KIF26B: variants seen among roughly 807,000 people sequenced by gnomAD.
KIF26B encodes kinesin family member 26B.
A neutral mutation model predicts 151.2 loss-of-function variants in KIF26B; 63 were observed. That is an observed-to-expected ratio of 0.42 (90% CI 0.34 to 0.51). KIF26B has a LOEUF of 0.51. KIF26B is among the 20% of genes least tolerant of loss of function. The probability of loss-of-function intolerance (pLI) is 0.07; values close to 1 mark genes in which losing one functional copy is unlikely to be tolerated. For missense variants in KIF26B, 2,813 were observed against 2,913.6 expected (o/e 0.97, Z 0.79); for synonymous variants, 1,357 against 1,262.1 (o/e 1.08, Z -1.59).
chr1:245,177,289 T>C (rs536626221), intron 2 of KIF26B, among the ~76,000 whole-genome samples: 3 of 152,372 alleles, frequency 2.0e-5, no homozygotes, highest in South Asian at 4.1e-4. Flanking sequence ...CCTGCCTTTA[T>C]TGATTCCTAC....
chr1:245,322,218 G>C lies in KIF26B; in HGVS notation c.466-44616G>C, dbSNP rs1055169988. Among the ~76,000 whole-genome samples, 3 of 151,996 alleles carry C rather than the reference G, an allele frequency of 2.0e-5. No homozygotes were observed. In the East Asian group the frequency reaches 5.8e-4, roughly 29 times the overall value. On this transcript the variant is annotated intron_variant, in intron 2 of 14. Coordinates refer to ENST00000407071, the MANE Select transcript of KIF26B (RefSeq NM_018012.4). ...AGGAGAACATCACACACCGGGGCCTGTGGGGGATGGGGGATAAGGGGAGGG... is the reference window on the plus strand; with the variant it reads ...AGGAGAACATCACACACCGGGGCCTCTGGGGGATGGGGGATAAGGGGAGGG...
Position 245,564,020 on chromosome 1 carries a change from C to A in KIF26B, c.1350+23070C>A, listed in dbSNP as rs1471071138. Among the ~76,000 whole-genome samples, 4 of 152,172 alleles carry A rather than the reference C, an allele frequency of 2.6e-5. No homozygotes were observed. The highest frequency in any genetic ancestry group is 4.8e-5 in the African/African-American group (2 of 41,432). The stretch of plus-strand genomic sequence containing the variant: ...CACACCAAATGTGATCATTTCATTT[C>A]GCAGCTAGATTGCTCGTGAACAGCT... On this transcript the variant is annotated intron_variant, in intron 5 of 14. Transcript: ENST00000407071. This position sits in a 1 kb window ranked among gnomAD's most constrained non-coding sequence, Gnocchi z 4.6.
chr1:245,578,801 C>G (rs1437553990), intron 5 of KIF26B, among the ~76,000 whole-genome samples: 1 of 152,186 alleles, frequency 6.6e-6, no homozygotes, highest in Non-Finnish European at 1.5e-5. Flanking sequence ...CCTCTAGACA[C>G]AGGATTTCAT....
rs757748702 is a variant in KIF26B at position 245,687,866 on chromosome 1, A to G, written c.4883A>G (p.Asn1628Ser). 1 of 1,593,060 alleles carries G rather than the reference A, an allele frequency of 6.3e-7. No individual in the cohort carries two copies. The change falls in exon 12 of 15, where the codon AAC (asparagine) becomes AGC (serine). Residue 1628 changes from asparagine (N) to serine (S), a missense_variant. Asn to Ser is a conservative substitution (Grantham distance 46). Coordinates refer to ENST00000407071, the MANE Select transcript of KIF26B (RefSeq NM_018012.4). The surrounding 1 kb of genome is among the most constrained non-coding windows in gnomAD (Gnocchi z 4.9). ...GGCAGCGGCACCAGCAGCCCCCTGA[A>G]CCAACCAGCCGCCTTCCCGGCGGGC... ...ASGSGTSSPL[N>S]QPAAFPAGLP...
intron 2 of KIF26B, among the ~76,000 whole-genome samples, chr1:245,190,634 G>GTTTTTTTTT (rs149338802): frequency 2.8e-5 from 3 of 106,840 alleles, no homozygotes; most frequent in Non-Finnish European, 6.5e-5. Flanking sequence ...TGAATGTTTT[G>GTTTTTTTTT]TTTTGTTTTT....
rs978712912 is a variant in KIF26B, at chr1:245,155,469, C to G, written c.45C>G (p.Thr15=). 6.2e-7 allele frequency: 1 copy of G among 1,611,996 alleles called. No homozygotes were observed. The highest frequency in any genetic ancestry group is 1.3e-5 in the African/African-American group (1 of 74,908). Residue 15 remains threonine, a synonymous_variant, in exon 1 of 15, where the codon ACC becomes ACG. Transcript: ENST00000407071. Reference sequence around the variant, plus strand: ...ATAAAGAGAGGCTTGCGGTCTCCACCAGGGGCAAGAAATACGGGGTAAGTT... The same window carrying G: ...ATAAAGAGAGGCTTGCGGTCTCCACGAGGGGCAAGAAATACGGGGTAAGTT... ...AGNKERLAVS[T]RGKKYGVNEV... is the part of the protein sequence containing the mutation.
rs1459642519 is a variant in KIF26B at position 245,640,107 on chromosome 1, GATCTAC to G, written c.2099-6013_2099-6008del. 8.4e-4 allele frequency among the ~76,000 whole-genome samples: 64 copies of G among 76,012 alleles called. 3 individuals are homozygous for G. The highest frequency in any genetic ancestry group is 4.4e-4 in the Non-Finnish European group (17 of 38,704). The allele number at this position is 76,012 out of a possible 152,430, so 49.9% of individuals were successfully genotyped here. On this transcript the variant is annotated intron_variant, in intron 9 of 14. Coordinates refer to ENST00000407071, the MANE Select transcript of KIF26B (RefSeq NM_018012.4). ...TATTGTAGTCTACCTCTCCTGTTTA[GATCTAC>G]TAATATTTGCTCTCTCTCTCTCTCT...
At chr1:245,555,222 G>T (rs1373898422) in intron 5 of KIF26B, among the ~76,000 whole-genome samples, 1 of 152,166 alleles carries the variant, frequency 6.6e-6, no homozygotes, top group Non-Finnish European at 1.5e-5. Flanking sequence ...TCTGGAATGG[G>T]GATGGGAGGA....
intron 4 of KIF26B, among the ~76,000 whole-genome samples, chr1:245,476,535 C>T (rs866776517): frequency 6.5e-4 from 82 of 126,712 alleles, no homozygotes; most frequent in Middle Eastern, 3.7e-3. Flanking sequence ...TATTTACTTA[C>T]TTACTTACTT....
intron 2 of KIF26B, among the ~76,000 whole-genome samples, chr1:245,229,340 G>A (rs1669944314): frequency 6.6e-6 from 1 of 152,098 alleles, no homozygotes; most frequent in African/African-American, 2.4e-5. Context: ...TTTTAGGGGG[G>A]TTGCAAATTT....
In KIF26B at chr1:245,602,881, G is replaced by A. The variant is rs1371919184; in HGVS notation, c.1557+98G>A. ...TTGAGCTGGGAGGGTGTCTTCTGGAGCATTCTGATGGACCAGTTCCTTCAG... is the reference window on the plus strand; with the variant it reads ...TTGAGCTGGGAGGGTGTCTTCTGGAACATTCTGATGGACCAGTTCCTTCAG... On this transcript the variant is annotated intron_variant, in intron 6 of 14. Transcript: ENST00000407071. This position sits in a 1 kb window ranked among gnomAD's most constrained non-coding sequence, Gnocchi z 4.5. 5 of 1,069,656 alleles carry A rather than the reference G, an allele frequency of 4.7e-6. No individual in the cohort carries two copies. Among genetic ancestry groups the A allele is most frequent in the Non-Finnish European group, 7.2e-6 (5 of 698,168 alleles). 66.3% of individuals were successfully genotyped at this position (1,069,656 alleles called of 1,614,324 possible). A position where few individuals can be genotyped will look rare whatever the true frequency, so the allele number is the denominator to read the frequency against.
At chr1:245,232,717 A>G (rs1670023777) in intron 2 of KIF26B, among the ~76,000 whole-genome samples, 1 of 151,930 alleles carries the variant, frequency 6.6e-6, no homozygotes, top group South Asian at 2.1e-4. Flanking sequence ...CTCCCGGCTA[A>G]TTTTGTATTT....
At chr1:245,364,994 T>C (rs1229270456) in intron 2 of KIF26B, among the ~76,000 whole-genome samples, 1 of 152,254 alleles carries the variant, frequency 6.6e-6, no homozygotes, top group African/African-American at 2.4e-5. Flanking sequence ...AATAGGAATC[T>C]ATTGATGGAT....
At chr1:245,688,952 C>T (rs975772371) in intron 12 of KIF26B, 145 bp downstream of exon 12, 8 of 1,112,456 alleles carry the variant, frequency 7.2e-6, no homozygotes, top group Middle Eastern at 3.1e-4. Context: ...GCCCAAACCC[C>T]ACTGCCAGGG....
intron 2 of KIF26B, among the ~76,000 whole-genome samples, chr1:245,309,994 A>G (rs1262270829): frequency 2.0e-5 from 3 of 147,712 alleles, no homozygotes; most frequent in Non-Finnish European, 3.0e-5. Context: ...AACTCTGGCC[A>G]ATACAAACAC....
intron 2 of KIF26B, among the ~76,000 whole-genome samples, chr1:245,200,112 C>T (rs1669271739): frequency 6.6e-6 from 1 of 152,180 alleles, no homozygotes; most frequent in African/African-American, 2.4e-5. Flanking sequence ...TCGTTAATCC[C>T]ACACGACTAT....
chr1:245,630,806 AT>A (rs2043773304), intron 9 of KIF26B, among the ~76,000 whole-genome samples: 3 of 151,910 alleles, frequency 2.0e-5, no homozygotes, highest in African/African-American at 2.4e-5. Context: ...ATGTCTTTTC[AT>A]TTTTTTCTAT....
chr1:245,660,194 T>C (rs1422498661), intron 10 of KIF26B, among the ~76,000 whole-genome samples: 3 of 151,440 alleles, frequency 2.0e-5, no homozygotes, highest in African/African-American at 4.9e-5. Context: ...TCTTAGAATT[T>C]ACCCCAAAGC....
rs148005622 is a variant in KIF26B, at chr1:245,270,409, TC to T, written c.466-96422del. ...TCTTTGTTTCCCTTTCCTTTTTCCTTCCCTTTCCCTTTCCTTTCCTTTCTTT... is the reference window on the plus strand; with the variant it reads ...TCTTTGTTTCCCTTTCCTTTTTCCTTCCTTTCCCTTTCCTTTCCTTTCTTT... On this transcript the variant is annotated intron_variant, in intron 2 of 14. Transcript: ENST00000407071. 3.4e-3 allele frequency among the ~76,000 whole-genome samples: 518 copies of T among 151,350 alleles called. 1 individual carries two copies. Among genetic ancestry groups the T allele is most frequent in the African/African-American group, 0.012 (488 of 41,164 alleles).
Sources: allele counts gnomAD v4.1 joint callset (sites outside exome capture counted in the v4.1 genomes callset), GRCh38; gene constraint gnomAD v4.1.1; non-coding constraint Gnocchi (gnomAD v3.1); transcripts MANE v1.5; gene names NCBI Gene and HGNC (gene_info 2026-07-23, HGNC 2026-07-21).